EXOSC5: variants seen among roughly 807,000 people sequenced by gnomAD.
EXOSC5 encodes exosome component 5.
In EXOSC5, 15 loss-of-function variants were observed where a neutral mutation model predicts 23.7. That is an observed-to-expected ratio of 0.63 (90% CI 0.42 to 0.97). The LOEUF is 0.97. Among genes scored for constraint, EXOSC5 ranks in the 50% least tolerant of loss-of-function variants. The probability of loss-of-function intolerance (pLI) is 0.00; values close to 1 mark genes in which losing one functional copy is unlikely to be tolerated. For synonymous variants in EXOSC5, 143 were observed against 140.9 expected (o/e 1.02, Z -0.11); for missense variants, 305 against 316.3 (o/e 0.96, Z 0.27).
intron 4 of EXOSC5, among the ~76,000 whole-genome samples, chr19:41,388,632 CTGT>C (rs945655251): frequency 6.6e-6 from 1 of 152,202 alleles, no homozygotes; most frequent in Non-Finnish European, 1.5e-5. Context: ...TTCCTCAACA[CTGT>C]TGTTACAAAG....
At chr19:41,397,106 G>T in intron 1 of EXOSC5, 75 bp downstream of exon 1, 1 of 1,506,892 alleles carries the variant, frequency 6.6e-7, no homozygotes, top group Non-Finnish European at 9.0e-7. Flanking sequence ...AGCTGGTATC[G>T]TGAGGAGGTG....
chr19:41,392,984 A>T lies in EXOSC5; in HGVS notation c.149-4T>A. ...CCCGCCAGGACAGAGGTGTCACCTGAGGAGACAGCAGGGAGGGCCTCACTC... is the reference window on the plus strand; with the variant it reads ...CCCGCCAGGACAGAGGTGTCACCTGTGGAGACAGCAGGGAGGGCCTCACTC... On this transcript the variant is annotated splice_region_variant and splice_polypyrimidine_tract_variant and intron_variant, in intron 1 of 5. Coordinates refer to ENST00000221233, the MANE Select transcript of EXOSC5 (RefSeq NM_020158.4). 6.2e-7 allele frequency: 1 copy of T among 1,612,326 alleles called. No homozygotes were observed. The highest frequency in any genetic ancestry group is 1.3e-5 in the African/African-American group (1 of 74,968).
At chr19:41,397,056 G>A in intron 1 of EXOSC5, 125 bp downstream of exon 1, 1 of 1,113,750 alleles carries the variant, frequency 9.0e-7, no homozygotes. Flanking sequence ...GTATTCAATC[G>A]GACAAGAAAT....
intron 4 of EXOSC5, among the ~76,000 whole-genome samples, chr19:41,389,146 A>G (rs1490687384): frequency 2.6e-5 from 4 of 151,702 alleles, no homozygotes; most frequent in Non-Finnish European, 4.4e-5. Flanking sequence ...GGGTTTTGCA[A>G]TGTTGGCCAG....
chr19:41,394,672 C>G (rs1287639236), intron 1 of EXOSC5, among the ~76,000 whole-genome samples: 1 of 152,106 alleles, frequency 6.6e-6, no homozygotes, highest in Non-Finnish European at 1.5e-5. Flanking sequence ...TGCGTGCTAC[C>G]ACATCCGACT....
chr19:41,390,865 TTC>T (rs1262330061), intron 3 of EXOSC5, among the ~76,000 whole-genome samples: 1 of 152,188 alleles, frequency 6.6e-6, no homozygotes, highest in Non-Finnish European at 1.5e-5. Flanking sequence ...TCACAATACC[TTC>T]TCTCTCTGCC....
At chr19:41,396,213 ATT>A (rs555938662) in intron 1 of EXOSC5, among the ~76,000 whole-genome samples, 2 of 145,384 alleles carry the variant, frequency 1.4e-5, no homozygotes, top group Admixed American at 6.9e-5. Flanking sequence ...CGCTGTCTCA[ATT>A]TTTTTTTTTT....
chr19:41,388,090 G>A (rs902634335), intron 4 of EXOSC5, among the ~76,000 whole-genome samples: 5 of 152,118 alleles, frequency 3.3e-5, no homozygotes, highest in Admixed American at 6.5e-5. Context: ...TTTTGTCTAC[G>A]CTACCCCTTC....
intron 1 of EXOSC5, 21 bp from the exon 2 acceptor site, chr19:41,393,001 G>C: frequency 5.0e-6 from 8 of 1,605,780 alleles, no homozygotes; most frequent in Non-Finnish European, 6.8e-6. Flanking sequence ...AGCAGGGAGG[G>C]CCTCACTCAC....
intron 2 of EXOSC5, 67 bp downstream of exon 2, chr19:41,392,799 AG>A (rs2039033394): frequency 7.0e-7 from 1 of 1,424,294 alleles, no homozygotes; most frequent in African/African-American, 1.4e-5. Flanking sequence ...GGCAGCTGGT[AG>A]GGAGGAGCTG....
intron 4 of EXOSC5, among the ~76,000 whole-genome samples, chr19:41,388,007 C>CG (rs1252411949): frequency 3.3e-5 from 5 of 152,146 alleles, no homozygotes; most frequent in African/African-American, 1.2e-4. Context: ...GAGGGGACTC[C>CG]GGACCCTTGG....
rs2038992109 is a variant in EXOSC5 at position 41,387,424 on chromosome 19, G to A, written c.615+90C>T. On this transcript the variant is annotated intron_variant, in intron 5 of 5. Transcript: ENST00000221233. Reference sequence around the variant, plus strand: ...AAGAAATTTAAGAGGCTCTCCTGAAGCCTCTCAGAATCCAGGGCAGAGTTG... The same window carrying A: ...AAGAAATTTAAGAGGCTCTCCTGAAACCTCTCAGAATCCAGGGCAGAGTTG... 3.9e-6 allele frequency: 4 copies of A among 1,024,762 alleles called. No homozygotes were observed. The East Asian group carries it at 1.2e-4, about 30-fold the overall frequency. 63.5% of individuals were successfully genotyped at this position (1,024,762 alleles called of 1,614,324 possible).
chr19:41,396,522 C>A (rs2039065836), intron 1 of EXOSC5, among the ~76,000 whole-genome samples: 1 of 151,516 alleles, frequency 6.6e-6, no homozygotes, highest in Non-Finnish European at 1.5e-5. Flanking sequence ...CCGTCTCAAA[C>A]GTTAAAGAGA....
At chr19:41,387,625 C>T (rs757030717) in intron 4 of EXOSC5, 22 bp from the exon 5 acceptor site, 18 of 1,546,952 alleles carry the variant, frequency 1.2e-5, no homozygotes, top group East Asian at 9.3e-5. Flanking sequence ...GGGTAGAAGG[C>T]GGTGGGGGAC....
intron 5 of EXOSC5, among the ~76,000 whole-genome samples, chr19:41,387,275 A>G (rs886110119): frequency 6.6e-6 from 1 of 152,120 alleles, no homozygotes; most frequent in Non-Finnish European, 1.5e-5. Flanking sequence ...GGACCATCAC[A>G]TGCCCTCTTC....
chr19:41,391,952 C>G lies in EXOSC5; in HGVS notation c.273G>C (p.Glu91Asp). The G allele has an allele frequency of 6.3e-7, 1 of 1,584,600 alleles. No homozygotes were observed. The highest frequency in any genetic ancestry group is 8.6e-7 in the Non-Finnish European group (1 of 1,168,478). The change falls in exon 3 of 6, where the codon GAG becomes GAC. Residue 91 changes from glutamate to aspartate, a missense_variant. Coordinates refer to ENST00000221233, the MANE Select transcript of EXOSC5 (RefSeq NM_020158.4). ...TCCTGATCAGCCGCTCCCGGCTCTT[C>G]TCTGCAACACCTGGGGAAATTGAAG... Reference protein sequence around the residue: ...RPKIGLPGVAEKSRERLIRNT... With the variant: ...RPKIGLPGVADKSRERLIRNT...
At chr19:41,388,337 A>G (rs1156263981) in intron 4 of EXOSC5, among the ~76,000 whole-genome samples, 1 of 152,234 alleles carries the variant, frequency 6.6e-6, no homozygotes, top group Admixed American at 6.5e-5. Flanking sequence ...CTTACCAGCT[A>G]GTTTCCATCA....
intron 2 of EXOSC5, 84 bp downstream of exon 2, chr19:41,392,783 A>AC: frequency 1.6e-6 from 2 of 1,217,192 alleles, no homozygotes; most frequent in Non-Finnish European, 2.4e-6. Context: ...GGGAGTGGAG[A>AC]CTCGGGGCAG....
Position 41,391,898 on chromosome 19 carries a change from C to A in EXOSC5, c.327G>T (p.Thr109=), listed in dbSNP as rs200307444. 6.4e-7 allele frequency: 1 copy of A among 1,566,362 alleles called. No individual in the cohort carries two copies. Residue 109 remains threonine, a synonymous_variant, in exon 3 of 6, where the codon ACG becomes ACT. Coordinates refer to ENST00000221233, the MANE Select transcript of EXOSC5 (RefSeq NM_020158.4). ...CGGTGATGGAGGTGCGGGGGTGCAA[C>A]GTGCCCAGCACCACCGCCTCGCACG... ...RNTCEAVVLG[T]LHPRTSITVV... is the part of the protein sequence containing the mutation.
Sources: gnomAD v4.1 joint callset for allele counts (sites outside exome capture counted in the v4.1 genomes callset) on GRCh38, gnomAD v4.1.1 for gene constraint, MANE v1.5 for transcripts, NCBI Gene and HGNC (gene_info 2026-07-23, HGNC 2026-07-21) for gene names.